Variants in ABCB9 observed in about 807,000 individuals in gnomAD.
ABCB9 encodes the protein ATP binding cassette subfamily B member 9.
ABCB9 carries 36 observed loss-of-function variants against 62.0 expected under a neutral mutation model. The ratio of observed to expected loss-of-function variants is 0.58; its 90% confidence interval spans 0.45 to 0.77. The LOEUF is 0.77. Ranked by LOEUF, ABCB9 falls within the 30% of genes least tolerant of loss-of-function variation. The pLI is 0.00. For missense variants in ABCB9, 943 were observed against 1,054.7 expected, an observed-to-expected ratio of 0.89 and a Z score of 1.47; for synonymous variants, 435 against 461.4, an observed-to-expected ratio of 0.94 and a Z score of 0.73.
At chr12:122,960,370 C>CA in intron 1 of ABCB9, 48 bp from the exon 2 acceptor site, 1 of 1,256,632 alleles carries the variant, frequency 8.0e-7, no homozygotes, top group Non-Finnish European at 1.1e-6. Flanking sequence ...AGGTTTGCCA[C>CA]TCGCTGGCTG....
Position 122,935,414 on chromosome 12 carries a change from C to T in ABCB9, c.1761G>A (p.Gln587=). The T allele has an allele frequency of 6.2e-7, 1 of 1,613,654 alleles. No individual in the cohort carries two copies. Among genetic ancestry groups the T allele is most frequent in the Non-Finnish European group, 8.5e-7 (1 of 1,179,852 alleles). Residue 587 remains glutamine, a synonymous_variant, in exon 10 of 12, where the codon CAG becomes CAA. Coordinates refer to ENST00000280560, the MANE Select transcript of ABCB9 (RefSeq NM_019625.4). ...TGGAGCGGGCGAACAGCACGGGCTCCTGGCTCACCAGGGAGATCTGGGGAG... is the reference window on the plus strand; with the variant it reads ...TGGAGCGGGCGAACAGCACGGGCTCTTGGCTCACCAGGGAGATCTGGGGAG... ...YLHRVISLVS[Q]EPVLFARSIT...
At position 122,945,129 on chromosome 12, in the gene ABCB9, C is replaced by T. The variant is rs1314127892; in HGVS notation, c.1252-610G>A. 2.0e-5 allele frequency among the ~76,000 whole-genome samples: 3 copies of T among 152,348 alleles called. No individual in the cohort carries two copies. In the East Asian group the frequency reaches 5.8e-4, roughly 29 times the overall value. Reference sequence around the variant, plus strand: ...TGCAAAGGCACCCCCTGCCAGCAGACGGATTGCTAAGAGGCTCAGCTAGCT... The same window carrying T: ...TGCAAAGGCACCCCCTGCCAGCAGATGGATTGCTAAGAGGCTCAGCTAGCT... On this transcript the variant is annotated intron_variant, in intron 6 of 11. Coordinates refer to ENST00000280560, the MANE Select transcript of ABCB9 (RefSeq NM_019625.4).
chr12:122,959,089 C>T lies in ABCB9; in HGVS notation c.601+546G>A, dbSNP rs947847365. 6.5e-4 allele frequency among the ~76,000 whole-genome samples: 97 copies of T among 150,098 alleles called. No homozygotes were observed. Among genetic ancestry groups the T allele is most frequent in the African/African-American group, 2.0e-3 (81 of 41,224 alleles). Reference sequence around the variant, plus strand: ...GAAATGGGGCAGGCACCGTGGCTCACGCCTGTAATCCCAGCACTTTGGGAG... The same window carrying T: ...GAAATGGGGCAGGCACCGTGGCTCATGCCTGTAATCCCAGCACTTTGGGAG... On this transcript the variant is annotated intron_variant, in intron 2 of 11. Transcript: ENST00000280560. The surrounding 1 kb of genome is among the most constrained non-coding windows in gnomAD (Gnocchi z 5.4).
upstream of ABCB9, among the ~76,000 whole-genome samples, chr12:122,966,818 C>T (rs1208236788): frequency 4.6e-5 from 7 of 152,230 alleles, no homozygotes; most frequent in Non-Finnish European, 8.8e-5. Flanking sequence ...TTTAACTGGC[C>T]TTTTTCCCTG....
At chr12:122,938,164 C>G (rs1043657761) in intron 9 of ABCB9, among the ~76,000 whole-genome samples, 1 of 152,192 alleles carries the variant, frequency 6.6e-6, no homozygotes, top group African/African-American at 2.4e-5. Context: ...TCATGTACAA[C>G]AGAAAACATA....
chr12:122,918,689 C>T (rs1423046768), downstream of ABCB9, among the ~76,000 whole-genome samples: 3 of 151,992 alleles, frequency 2.0e-5, no homozygotes, highest in African/African-American at 7.3e-5. Flanking sequence ...AACTCCTGGG[C>T]TCAAGCGATC....
chr12:122,957,679 T>C (rs1454869758), intron 2 of ABCB9, among the ~76,000 whole-genome samples: 1 of 150,440 alleles, frequency 6.6e-6, no homozygotes, highest in Non-Finnish European at 1.5e-5. Flanking sequence ...TTTTTTTTTT[T>C]TGGTCTCAAA....
rs368686842 is a variant in ABCB9 at position 122,948,842 on chromosome 12, C to A, written c.848-13G>T. 12 of 1,518,738 alleles carry A rather than the reference C, an allele frequency of 7.9e-6. No homozygotes were observed. The East Asian group carries it at 1.7e-4, about 22-fold the overall frequency. The allele number at this position is 1,518,738 out of a possible 1,614,324, so 94.1% of individuals were successfully genotyped here. On this transcript the variant is annotated splice_polypyrimidine_tract_variant and intron_variant, in intron 4 of 11. Transcript: ENST00000280560. ...GAGATGAGGTCCCCTGGAACACACG[C>A]GGCTCAGCTCTCACCACAGCAACCC...
Position 122,947,600 on chromosome 12 carries a change from C to G in ABCB9, c.1053+1024G>C. The G allele has an allele frequency of 2.9e-6, 1 of 350,774 alleles. No homozygotes were observed. The highest frequency in any genetic ancestry group is 6.0e-6 in the Non-Finnish European group (1 of 166,262). The allele number at this position is 350,774 out of a possible 1,614,324, so 21.7% of individuals were successfully genotyped here. On this transcript the variant is annotated intron_variant, in intron 5 of 11. Coordinates refer to ENST00000280560, the MANE Select transcript of ABCB9 (RefSeq NM_019625.4). The surrounding 1 kb of genome is among the most constrained non-coding windows in gnomAD (Gnocchi z 6.0). The stretch of plus-strand genomic sequence containing the variant: ...GGGTCACAGCCCTGCCTGTCTGAAC[C>G]CAGCCTGTCTGTCCCTTAGGGCTCG...
chr12:122,949,002 A>G, intron 4 of ABCB9, 173 bp from the exon 5 acceptor site: 1 of 537,034 alleles, frequency 1.9e-6, no homozygotes, highest in Non-Finnish European at 3.2e-6. Context: ...ACTCTGAGCC[A>G]ATCCCAGTCA....
At chr12:122,948,868 G>A (rs1047321204) in intron 4 of ABCB9, 39 bp from the exon 5 acceptor site, 4 of 1,451,336 alleles carry the variant, frequency 2.8e-6, no homozygotes, top group Non-Finnish European at 3.6e-6. Context: ...ACAGCAACCC[G>A]GGCCTTGGGG....
chr12:122,960,656 T>C (rs1026458487), intron 1 of ABCB9, among the ~76,000 whole-genome samples: 1 of 151,122 alleles, frequency 6.6e-6, no homozygotes, highest in African/African-American at 2.4e-5. Flanking sequence ...GGTAGGTGGA[T>C]CACCTGAGGT....
At chr12:122,955,052 C>A (rs1447337337) in intron 2 of ABCB9, among the ~76,000 whole-genome samples, 2 of 152,114 alleles carry the variant, frequency 1.3e-5, no homozygotes, top group Middle Eastern at 3.2e-3. Context: ...CCTCCTTGGC[C>A]ACCCAAGTAG....
At chr12:122,962,752 AGCCCT>A (rs2036974710) in intron 1 of ABCB9, among the ~76,000 whole-genome samples, 2 of 152,182 alleles carry the variant, frequency 1.3e-5, no homozygotes, top group South Asian at 4.1e-4. Context: ...ACTTCCTGTG[AGCCCT>A]GCCCTGCACC....
rs991058186 is a variant in ABCB9 at position 122,929,397 on chromosome 12, C to T, written c.*514G>A. 4.1e-5 allele frequency: 40 copies of T among 986,204 alleles called. No homozygotes were observed. The highest frequency in any genetic ancestry group is 3.3e-4 in the South Asian group (7 of 21,292). The allele number at this position is 986,204 out of a possible 1,614,324, so 61.1% of individuals were successfully genotyped here. ...TCACAGAGCTGGCAAGAGGGAGAGA[C>T]GGAAAATCCCGTTCCCCGTGTCTCC... On this transcript the variant is annotated 3_prime_UTR_variant, in exon 12 of 12. Transcript: ENST00000280560. This position sits in a 1 kb window ranked among gnomAD's most constrained non-coding sequence, Gnocchi z 6.0.
At chr12:122,925,452 A>G (rs539668827), downstream of ABCB9, among the ~76,000 whole-genome samples, 2 of 152,212 alleles carry the variant, frequency 1.3e-5, no homozygotes, top group East Asian at 1.9e-4. Flanking sequence ...TCCCACAAAA[A>G]AAACATGAAT....
intron 1 of ABCB9, chr12:122,972,807 C>T (rs2037293997): frequency 6.6e-6 from 1 of 152,234 alleles, no homozygotes; most frequent in Non-Finnish European, 1.5e-5. Context: ...GCCACCACAC[C>T]TGGCCTCTAT....
At chr12:122,961,726 G>A (rs1044120524) in intron 1 of ABCB9, among the ~76,000 whole-genome samples, 4 of 152,202 alleles carry the variant, frequency 2.6e-5, no homozygotes, top group Non-Finnish European at 5.9e-5. Context: ...TAGTGAGGAC[G>A]AAGCTGAGAT....
chr12:122,945,948 T>C (rs1186206225), intron 6 of ABCB9, 77 bp downstream of exon 6: 14 of 1,402,340 alleles, frequency 1.0e-5, no homozygotes, highest in East Asian at 4.8e-5. Context: ...GCAGGACTGA[T>C]GTCCTAGATC....
Sources: gnomAD v4.1 joint callset for allele counts (sites outside exome capture counted in the v4.1 genomes callset) on GRCh38, gnomAD v4.1.1 for gene constraint, Gnocchi (gnomAD v3.1) non-coding constraint, MANE v1.5 for transcripts, NCBI Gene and HGNC (gene_info 2026-07-23, HGNC 2026-07-21) for gene names.